The following CYTH1 variants were observed in gnomAD, a reference collection of about 807,000 sequenced individuals.
The protein encoded by CYTH1 is cytohesin-1.
A neutral mutation model predicts 61.8 loss-of-function variants in CYTH1; 18 were observed. That is an observed-to-expected ratio of 0.29 (90% CI 0.20 to 0.43). The LOEUF (loss-of-function observed/expected upper bound fraction) is 0.43. Among genes scored for constraint, CYTH1 ranks in the 20% least tolerant of loss-of-function variants. The probability of loss-of-function intolerance (pLI) is 1.00; values close to 1 mark genes in which losing one functional copy is unlikely to be tolerated. For synonymous variants in CYTH1, 174 were observed against 184.3 expected (o/e 0.94, Z 0.45); for missense variants, 336 against 510.5 (o/e 0.66, Z 3.29).
In CYTH1 at chr17:78,675,966, G is replaced by C; in HGVS notation, c.*125C>G. ...AAAAAAATAGCAAAAGCTGAAGCTA[G>C]TCTCTAGGAATCCAGGGCGGGGCCT... On this transcript the variant is annotated 3_prime_UTR_variant, in exon 14 of 14. Coordinates refer to ENST00000446868, the MANE Select transcript of CYTH1 (RefSeq NM_004762.6). 1 of 1,549,574 alleles carries C rather than the reference G, an allele frequency of 6.5e-7. No homozygotes were observed. Among genetic ancestry groups the C allele is most frequent in the Non-Finnish European group, 8.7e-7 (1 of 1,146,082 alleles).
chr17:78,763,473 C>T lies in CYTH1; in HGVS notation c.22+18729G>A, dbSNP rs111267636. The stretch of plus-strand genomic sequence containing the variant: ...ACAGGGGATACTTTCCAAGACCCCC[C>T]ACGGATGCCTAGACCACAAATAGTA... On this transcript the variant is annotated intron_variant, in intron 1 of 13. Transcript: ENST00000446868. Among the ~76,000 whole-genome samples the T allele has an allele frequency of 2.6e-3, 401 of 152,188 alleles. 3 individuals carry two copies. Among genetic ancestry groups the T allele is most frequent in the African/African-American group, 9.2e-3 (380 of 41,490 alleles).
intron 1 of CYTH1, among the ~76,000 whole-genome samples, chr17:78,712,675 A>AATG (rs1463048449): frequency 6.6e-6 from 1 of 151,846 alleles, no homozygotes; most frequent in African/African-American, 2.4e-5. Context: ...TAATAATAAT[A>AATG]ATATAAAAAA....
chr17:78,709,679 T>A lies in CYTH1; in HGVS notation c.76A>T (p.Arg26Ter). The A allele has an allele frequency of 6.2e-7, 1 of 1,614,242 alleles. No individual in the cohort carries two copies. Among genetic ancestry groups the A allele is most frequent in the Non-Finnish European group, 8.5e-7 (1 of 1,180,036 alleles). Reference sequence around the variant, plus strand: ...ATGTCAGCCAGCAGCTCCTGTTTTCTCCGTCGGATGTTCTCCAGTTCTTGA... The same window carrying A: ...ATGTCAGCCAGCAGCTCCTGTTTTCACCGTCGGATGTTCTCCAGTTCTTGA... ...ERQELENIRR[R>*]KQELLADIQR... is the part of the protein sequence containing the mutation. Residue 26 changes from arginine to a stop codon, truncating the protein, a stop_gained, in exon 2 of 14, where the codon AGA becomes TGA. Transcript: ENST00000446868. LOFTEE classifies it high-confidence loss of function.
At chr17:78,744,187 T>A (rs1417380832) in intron 1 of CYTH1, among the ~76,000 whole-genome samples, 3 of 152,230 alleles carry the variant, frequency 2.0e-5, no homozygotes, top group Admixed American at 2.0e-4. Flanking sequence ...TAAACCTTCA[T>A]GTTTACCAGA....
chr17:78,772,986 C>T (rs1291786579), intron 1 of CYTH1, among the ~76,000 whole-genome samples: 1 of 152,134 alleles, frequency 6.6e-6, no homozygotes, highest in Admixed American at 6.5e-5. Context: ...GGCACCACCA[C>T]ACCCGGCTAA....
intron 1 of CYTH1, among the ~76,000 whole-genome samples, chr17:78,718,600 C>A (rs2093202888): frequency 6.6e-6 from 1 of 152,238 alleles, no homozygotes; most frequent in Non-Finnish European, 1.5e-5. Context: ...CCTCCCTCTG[C>A]ACTACCCTAT....
intron 7 of CYTH1, among the ~76,000 whole-genome samples, chr17:78,699,473 A>G (rs892481523): frequency 2.0e-5 from 3 of 152,230 alleles, no homozygotes; most frequent in African/African-American, 4.8e-5. Flanking sequence ...AAAAGTATAT[A>G]AAGTATTCAA....
At chr17:78,704,528 TG>T (rs2093045897) in intron 3 of CYTH1, among the ~76,000 whole-genome samples, 2 of 152,176 alleles carry the variant, frequency 1.3e-5, no homozygotes, top group South Asian at 4.1e-4. Context: ...TTTGTGTTTT[TG>T]TTTTTGTTAC....
intron 1 of CYTH1, among the ~76,000 whole-genome samples, chr17:78,735,844 T>G (rs1456858373): frequency 6.6e-6 from 1 of 152,226 alleles, no homozygotes; most frequent in Non-Finnish European, 1.5e-5. Context: ...AACACCACCA[T>G]CTGATAAGGT....
chr17:78,727,915 C>G (rs189356289), intron 1 of CYTH1: 1 of 332,142 alleles, frequency 3.0e-6, no homozygotes, highest in East Asian at 8.5e-5. Context: ...AGCTCTGCAC[C>G]TTTGAGATCC....
chr17:78,760,355 T>C (rs1370522863), intron 1 of CYTH1, among the ~76,000 whole-genome samples: 3 of 52,272 alleles, frequency 5.7e-5, no homozygotes, highest in African/African-American at 2.2e-4. Flanking sequence ...AATAGCAGGT[T>C]TATATATATA....
At chr17:78,722,936 C>T (rs764416525) in intron 1 of CYTH1, among the ~76,000 whole-genome samples, 17 of 152,274 alleles carry the variant, frequency 1.1e-4, no homozygotes, top group Non-Finnish European at 2.2e-4. Flanking sequence ...TTTCAAACCT[C>T]ACGGAAGCTG....
intron 1 of CYTH1, among the ~76,000 whole-genome samples, chr17:78,724,926 T>C (rs534770136): frequency 1.3e-5 from 2 of 152,354 alleles, no homozygotes; most frequent in Non-Finnish European, 2.9e-5. Flanking sequence ...AATTTTCTTT[T>C]AGTGTCAAGA....
intron 1 of CYTH1, chr17:78,727,869 C>A: frequency 2.8e-6 from 1 of 358,808 alleles, no homozygotes; most frequent in Non-Finnish European, 5.7e-6. Flanking sequence ...CAGGGGCAGC[C>A]AAGGAGAGCA....
chr17:78,769,145 CAAA>C (rs11291374), intron 1 of CYTH1, among the ~76,000 whole-genome samples: 1 of 141,688 alleles, frequency 7.1e-6, no homozygotes. Context: ...GACTATGTCT[CAAA>C]AAAAAAAAAA....
chr17:78,747,059 A>T (rs1387643253), intron 1 of CYTH1, among the ~76,000 whole-genome samples: 1 of 150,006 alleles, frequency 6.7e-6, no homozygotes, highest in Admixed American at 6.7e-5. Flanking sequence ...GTTAGCCAAG[A>T]GCTAGACCTA....
intron 1 of CYTH1, among the ~76,000 whole-genome samples, chr17:78,724,232 T>G (rs148157487): frequency 5.7e-4 from 87 of 152,278 alleles, no homozygotes; most frequent in South Asian, 2.3e-3. Flanking sequence ...CAAGGGCGCC[T>G]GTTAAACACG....
intron 3 of CYTH1, among the ~76,000 whole-genome samples, chr17:78,707,941 AGTGCTGGGATTACAGCC>A (rs1425135514): frequency 6.6e-6 from 1 of 152,114 alleles, no homozygotes; most frequent in Non-Finnish European, 1.5e-5. Flanking sequence ...GGCCTCCCAA[AGTGCTGGGATTACAGCC>A]GTGAGCCACC....
intron 1 of CYTH1, among the ~76,000 whole-genome samples, chr17:78,773,895 AAG>A: frequency 6.6e-6 from 1 of 152,318 alleles, no homozygotes; most frequent in East Asian, 1.9e-4. Flanking sequence ...TTTGATAGAA[AAG>A]AGTTAACCTA....
Sources: gnomAD v4.1 joint callset for allele counts (sites outside exome capture counted in the v4.1 genomes callset) on GRCh38, gnomAD v4.1.1 for gene constraint, MANE v1.5 for transcripts, NCBI Gene and HGNC (gene_info 2026-07-23, HGNC 2026-07-21) for gene names.